PCDH9: variants seen among roughly 807,000 people sequenced by gnomAD.
PCDH9 encodes protocadherin 9, also known as protocadherin-9.
PCDH9 carries 24 observed loss-of-function variants against 70.6 expected under a neutral mutation model. The ratio of observed to expected loss-of-function variants is 0.34; its 90% confidence interval spans 0.25 to 0.48. The LOEUF (loss-of-function observed/expected upper bound fraction) is 0.48, where lower values mean the gene tolerates loss of function less well. Among genes scored for constraint, PCDH9 ranks in the 20% least tolerant of loss-of-function variants. PCDH9 has a pLI of 0.99. For synonymous variants in PCDH9, 562 were observed against 558.5 expected (o/e 1.01, Z -0.09); for missense variants, 1,281 against 1,503.6 (o/e 0.85, Z 2.45).
intron 2 of PCDH9, among the ~76,000 whole-genome samples, chr13:67,192,725 G>C (rs17082259): frequency 0.012 from 1,870 of 152,230 alleles, 40 homozygotes; most frequent in African/African-American, 0.042. Context: ...TTCCTGAAGA[G>C]ATGTGGATAA....
intron 3 of PCDH9, among the ~76,000 whole-genome samples, chr13:66,840,270 C>CT (rs5804300): frequency 0.37 from 55,679 of 152,012 alleles, 10,844 homozygotes; most frequent in East Asian, 0.44. Flanking sequence ...GGTAGTATTT[C>CT]TTTTCAAAGC....
rs368035161 is a variant in PCDH9 at position 66,894,293 on chromosome 13, G to GA, written c.3138+9210dup. Among the ~76,000 whole-genome samples, 615 of 147,948 alleles carry GA rather than the reference G, an allele frequency of 4.2e-3. 5 individuals are homozygous for GA. Among genetic ancestry groups the GA allele is most frequent in the African/African-American group, 0.014 (557 of 40,566 alleles). On this transcript the variant is annotated intron_variant, in intron 3 of 4. Coordinates refer to ENST00000377865, the MANE Select transcript of PCDH9 (RefSeq NM_203487.3). Reference sequence around the variant, plus strand: ...AAATACACTGTCTGAACTATCTAAAGAAAAAAAAAATTCAAATAATTTTTC... The same window carrying GA: ...AAATACACTGTCTGAACTATCTAAAGAAAAAAAAAAATTCAAATAATTTTTC...
intron 3 of PCDH9, among the ~76,000 whole-genome samples, chr13:66,669,847 TAAATGTGTTTTAAC>T (rs1442217375): frequency 1.3e-5 from 2 of 152,200 alleles, no homozygotes; most frequent in Admixed American, 6.5e-5. Context: ...TTAATAAAAC[TAAATGTGTTTTAAC>T]AAATGTGTTT....
At chr13:67,002,414 T>C (rs2084262962) in intron 2 of PCDH9, among the ~76,000 whole-genome samples, 2 of 151,970 alleles carry the variant, frequency 1.3e-5, no homozygotes, top group Admixed American at 1.3e-4. Flanking sequence ...TGATATTGTA[T>C]TTTATACTGT....
chr13:66,646,042 C>T (rs552759784), intron 3 of PCDH9, among the ~76,000 whole-genome samples: 5 of 152,262 alleles, frequency 3.3e-5, no homozygotes, highest in South Asian at 2.1e-4. Context: ...CTACAAAAGC[C>T]GCCTCTTGTC....
At chr13:66,662,993 T>C (rs947618997) in intron 3 of PCDH9, among the ~76,000 whole-genome samples, 3 of 152,216 alleles carry the variant, frequency 2.0e-5, no homozygotes, top group African/African-American at 7.2e-5. Context: ...TATATGATGC[T>C]AAATGACACA....
At chr13:66,532,935 A>G (rs1452156388) in intron 4 of PCDH9, among the ~76,000 whole-genome samples, 3 of 152,172 alleles carry the variant, frequency 2.0e-5, no homozygotes, top group African/African-American at 7.2e-5. Flanking sequence ...GGCTTAACCA[A>G]GGGTGAGATG....
intron 2 of PCDH9, among the ~76,000 whole-genome samples, chr13:66,930,969 A>G (rs1176704666): frequency 6.6e-6 from 1 of 152,136 alleles, no homozygotes; most frequent in Admixed American, 6.5e-5. Flanking sequence ...TAAAAATTGG[A>G]TGTGCAGGAA....
intron 2 of PCDH9, among the ~76,000 whole-genome samples, chr13:66,989,901 T>A (rs972179616): frequency 6.6e-5 from 10 of 151,976 alleles, no homozygotes; most frequent in African/African-American, 2.2e-4. Flanking sequence ...AATTAAGAAT[T>A]ACTATTCTGC....
At chr13:66,872,062 A>G (rs1007675570) in intron 3 of PCDH9, among the ~76,000 whole-genome samples, 1 of 152,158 alleles carries the variant, frequency 6.6e-6, no homozygotes, top group African/African-American at 2.4e-5. Context: ...TTGAACTCTT[A>G]TAGAACTGTC....
At chr13:67,215,399 G>A (rs752038265) in intron 2 of PCDH9, 2 of 151,832 alleles carry the variant, frequency 1.3e-5, no homozygotes, top group African/African-American at 2.4e-5. Context: ...AATGTGATAC[G>A]GTATTTTTCT....
chr13:66,837,404 C>G (rs1360712415), intron 3 of PCDH9, among the ~76,000 whole-genome samples: 3 of 152,106 alleles, frequency 2.0e-5, no homozygotes, highest in Admixed American at 6.6e-5. Flanking sequence ...GTTAACTGAC[C>G]TGCCCACAAC....
chr13:66,766,580 G>A (rs1284525674), intron 3 of PCDH9, among the ~76,000 whole-genome samples: 1 of 151,736 alleles, frequency 6.6e-6, no homozygotes, highest in Non-Finnish European at 1.5e-5. Flanking sequence ...ATATTTCAGA[G>A]AGAAGAATAA....
intron 4 of PCDH9, among the ~76,000 whole-genome samples, chr13:66,345,383 C>T (rs1956197076): frequency 6.6e-6 from 1 of 151,620 alleles, no homozygotes; most frequent in African/African-American, 2.4e-5. Context: ...ATTTTTTTTT[C>T]CAGCCATGCA....
intron 4 of PCDH9, among the ~76,000 whole-genome samples, chr13:66,523,409 A>T (rs979634050): frequency 6.6e-6 from 1 of 152,068 alleles, no homozygotes; most frequent in African/African-American, 2.4e-5. Context: ...GGAAGATAAT[A>T]TGAGAAAAAT....
chr13:66,368,967 C>T (rs539093124), intron 4 of PCDH9, among the ~76,000 whole-genome samples: 1 of 152,108 alleles, frequency 6.6e-6, no homozygotes, highest in African/African-American at 2.4e-5. Context: ...CGGGTTCCTC[C>T]TACAACACAT....
rs1359490427 is a variant in PCDH9 at position 66,595,230 on chromosome 13, A to C, written c.3340+35980T>G. Among the ~76,000 whole-genome samples the C allele has an allele frequency of 7.3e-5, 11 of 151,582 alleles. No individual in the cohort carries two copies. The Admixed American group carries it at 7.3e-4, about 10-fold the overall frequency. On this transcript the variant is annotated intron_variant, in intron 4 of 4. Coordinates refer to ENST00000377865, the MANE Select transcript of PCDH9 (RefSeq NM_203487.3). ...TTTCCACTTTCTGTGGGAAGGTAGG[A>C]GCCTAACTTTTGTGGGAACCTTGCT...
At chr13:66,751,921 TAACAAGA>T (rs2079465657) in intron 3 of PCDH9, among the ~76,000 whole-genome samples, 1 of 152,096 alleles carries the variant, frequency 6.6e-6, no homozygotes, top group South Asian at 2.1e-4. Context: ...TTAGTGCTGG[TAACAAGA>T]AACATGTAAA....
intron 4 of PCDH9, among the ~76,000 whole-genome samples, chr13:66,604,259 A>G (rs942580623): frequency 2.6e-5 from 4 of 151,964 alleles, no homozygotes; most frequent in Non-Finnish European, 4.4e-5. Context: ...TCAGGTTGAA[A>G]TACATATTTT....
Sources: allele counts gnomAD v4.1 joint callset (sites outside exome capture counted in the v4.1 genomes callset), GRCh38; gene constraint gnomAD v4.1.1; transcripts MANE v1.5; gene names NCBI Gene and HGNC (gene_info 2026-07-23, HGNC 2026-07-21).